The following CCNY variants were observed in gnomAD, a reference collection of about 807,000 sequenced individuals.
The protein encoded by CCNY is cyclin-Y.
Under a neutral mutation model 42.8 loss-of-function variants are expected in CCNY, and 19 were observed. That is an observed-to-expected ratio of 0.44 (90% CI 0.31 to 0.65). The LOEUF is 0.65. Among genes scored for constraint, CCNY ranks in the 30% least tolerant of loss-of-function variants. CCNY has a pLI of 0.07. For synonymous variants in CCNY, 165 were observed against 162.7 expected (o/e 1.01, Z -0.11); for missense variants, 370 against 437.3 (o/e 0.85, Z 1.37).
chr10:35,269,635 T>G (rs549709538), intron 3 of CCNY, among the ~76,000 whole-genome samples: 31 of 145,176 alleles, frequency 2.1e-4, no homozygotes, highest in African/African-American at 5.3e-4. Context: ...TTTTTTGTTT[T>G]GTTTTTTTTT....
intron 3 of CCNY, among the ~76,000 whole-genome samples, chr10:35,323,295 C>G (rs1230818498): frequency 6.6e-6 from 1 of 152,094 alleles, no homozygotes; most frequent in Non-Finnish European, 1.5e-5. Context: ...TAGATATTTA[C>G]CCAAGAGAAA....
chr10:35,331,903 G>T (rs549581700), upstream of CCNY, among the ~76,000 whole-genome samples: 2 of 152,318 alleles, frequency 1.3e-5, no homozygotes, highest in East Asian at 1.9e-4. Flanking sequence ...ACTTGTTCTT[G>T]TGATTGTTTA....
chr10:35,544,503 T>C (rs1294324166), intron 7 of CCNY, among the ~76,000 whole-genome samples: 3 of 152,140 alleles, frequency 2.0e-5, no homozygotes, highest in Admixed American at 6.5e-5. Flanking sequence ...CCCACAAGGA[T>C]TGAATTGCCT....
intron 3 of CCNY, among the ~76,000 whole-genome samples, chr10:35,296,589 G>T (rs1835474462): frequency 6.6e-6 from 1 of 151,278 alleles, no homozygotes; most frequent in South Asian, 2.1e-4. Context: ...AGAAAAAAAA[G>T]AAAAAAGAAA....
chr10:35,561,441 C>T (rs1457210363), intron 8 of CCNY, among the ~76,000 whole-genome samples: 1 of 152,236 alleles, frequency 6.6e-6, no homozygotes, highest in Non-Finnish European at 1.5e-5. Context: ...TGGGCCCATA[C>T]TGTACGCGTT....
chr10:35,319,010 C>T (rs1333682679), intron 3 of CCNY, among the ~76,000 whole-genome samples: 14 of 152,104 alleles, frequency 9.2e-5, no homozygotes, highest in Admixed American at 7.9e-4. Context: ...TCACCTGGGC[C>T]GGAGTGCAGT....
intron 3 of CCNY, among the ~76,000 whole-genome samples, chr10:35,267,145 T>C (rs2095726375): frequency 6.6e-6 from 1 of 150,610 alleles, no homozygotes; most frequent in African/African-American, 2.4e-5. Flanking sequence ...GCTCTTTCCA[T>C]AAGAGAGTCA....
rs61405875 is a variant in CCNY, at chr10:35,253,414, ATTTTTTTTTT to A, written c.-9+2808_-9+2817del. ...ACAGGCATGCACCAGCATGCTCACT[ATTTTTTTTTT>A]TTTTTTTTTTTTTTTTTTTGTAGAG... On this transcript the variant is annotated intron_variant, in intron 3 of 11. Coordinates refer to the CCNY transcript ENST00000374706. Among the ~76,000 whole-genome samples, 99 of 89,016 alleles carry A rather than the reference ATTTTTTTTTT, an allele frequency of 1.1e-3. 2 individuals are homozygous for A. Among genetic ancestry groups the A allele is most frequent in the South Asian group, 3.7e-3 (10 of 2,672 alleles). The allele number at this position is 89,016 out of a possible 152,430, so 58.4% of individuals were successfully genotyped here.
intron 3 of CCNY, among the ~76,000 whole-genome samples, chr10:35,253,861 T>C (rs1204407866): frequency 3.4e-5 from 5 of 149,214 alleles, no homozygotes; most frequent in Non-Finnish European, 7.4e-5. Context: ...TATCCTCAAC[T>C]GTTTGAGCAA....
intron 7 of CCNY, among the ~76,000 whole-genome samples, chr10:35,541,136 A>G (rs1366168860): frequency 1.3e-5 from 2 of 151,956 alleles, no homozygotes; most frequent in Non-Finnish European, 2.9e-5. Flanking sequence ...ACAGGCATCT[A>G]CAGTTATGAA....
At position 35,569,258 on chromosome 10, in the gene CCNY, T is replaced by C. The variant is rs574275712; in HGVS notation, c.*88T>C. On this transcript the variant is annotated 3_prime_UTR_variant, in exon 10 of 10. Coordinates refer to ENST00000374704, the MANE Select transcript of CCNY (RefSeq NM_145012.6). Reference sequence around the variant, plus strand: ...GACTTGGGGTGGGTTTGTTTTTGTTTTTTCTTTCCTTTTCTTTTTTTACGC... The same window carrying C: ...GACTTGGGGTGGGTTTGTTTTTGTTCTTTCTTTCCTTTTCTTTTTTTACGC... 8 of 805,276 alleles carry C rather than the reference T, an allele frequency of 9.9e-6. 1 individual carries two copies. The South Asian group carries it at 1.0e-4, about 10-fold the overall frequency. 49.9% of individuals were successfully genotyped at this position (805,276 alleles called of 1,614,324 possible).
chr10:35,254,977 A>G (rs1168428507), intron 3 of CCNY, among the ~76,000 whole-genome samples: 1 of 152,160 alleles, frequency 6.6e-6, no homozygotes, highest in Non-Finnish European at 1.5e-5. Context: ...GATATTTTAA[A>G]CAATCGACTG....
At chr10:35,417,379 T>TA in intron 1 of CCNY, among the ~76,000 whole-genome samples, 1 of 152,230 alleles carries the variant, frequency 6.6e-6, no homozygotes, top group East Asian at 1.9e-4. Flanking sequence ...ATTCACCACT[T>TA]ACCATGTGAC....
chr10:35,510,003 A>T (rs543411407), intron 3 of CCNY, among the ~76,000 whole-genome samples: 1 of 152,062 alleles, frequency 6.6e-6, no homozygotes, highest in African/African-American at 2.4e-5. Flanking sequence ...CCTTTCGTTC[A>T]TTCCTAGTCA....
chr10:35,527,068 A>G (rs553144154), intron 5 of CCNY, among the ~76,000 whole-genome samples: 1 of 142,820 alleles, frequency 7.0e-6, no homozygotes, highest in Non-Finnish European at 1.6e-5. Flanking sequence ...TGGAGAAAAC[A>G]CGAATATCCA....
At chr10:35,295,350 G>C (rs1455274735) in intron 3 of CCNY, among the ~76,000 whole-genome samples, 1 of 151,590 alleles carries the variant, frequency 6.6e-6, no homozygotes, top group African/African-American at 2.4e-5. Flanking sequence ...TCCTGCCTCA[G>C]CCTCCCGAGT....
intron 3 of CCNY, among the ~76,000 whole-genome samples, chr10:35,289,980 C>T (rs1205379935): frequency 6.6e-6 from 1 of 151,496 alleles, no homozygotes; most frequent in Non-Finnish European, 1.5e-5. Flanking sequence ...AATCTCAGCA[C>T]TTTGGGAGGC....
rs116757672 is a variant in CCNY, at chr10:35,506,136, A to G, written c.264+4601A>G. Reference sequence around the variant, plus strand: ...TTGAGCAGCTGCTGTGTTAGCATCAATGCCATATGCTTGGAGGATGTGAAA... The same window carrying G: ...TTGAGCAGCTGCTGTGTTAGCATCAGTGCCATATGCTTGGAGGATGTGAAA... On this transcript the variant is annotated intron_variant, in intron 3 of 9. Transcript: ENST00000374704. 2.0e-3 allele frequency among the ~76,000 whole-genome samples: 307 copies of G among 152,354 alleles called. 2 individuals carry two copies. Among genetic ancestry groups the G allele is most frequent in the African/African-American group, 7.0e-3 (290 of 41,588 alleles).
At chr10:35,318,400 C>T (rs115174573) in intron 3 of CCNY, among the ~76,000 whole-genome samples, 8,070 of 152,082 alleles carry the variant, frequency 0.053, 310 homozygotes, top group African/African-American at 0.11. Context: ...AATTTAGTCC[C>T]CTATCTAGTC....
Sources: gnomAD v4.1 joint callset for allele counts (sites outside exome capture counted in the v4.1 genomes callset) on GRCh38, gnomAD v4.1.1 for gene constraint, MANE v1.5 for transcripts, NCBI Gene and HGNC (gene_info 2026-07-23, HGNC 2026-07-21) for gene names.